Variants in NKAIN2 observed in about 807,000 individuals in gnomAD.
The protein encoded by NKAIN2 is sodium/potassium transporting ATPase interacting 2.
NKAIN2 carries 14 observed loss-of-function variants against 32.6 expected under a neutral mutation model. The observed-to-expected ratio is 0.43, with a 90% confidence interval of 0.28 to 0.67. The LOEUF (loss-of-function observed/expected upper bound fraction) is 0.67, where lower values mean the gene tolerates loss of function less well. Ranked by LOEUF, NKAIN2 falls within the 30% of genes least tolerant of loss-of-function variation. The pLI, the probability that NKAIN2 is intolerant of heterozygous loss-of-function variation, is 0.17. For synonymous variants in NKAIN2, 80 were observed against 87.2 expected (o/e 0.92, Z 0.46); for missense variants, 198 against 258.3 (o/e 0.77, Z 1.60).
At chr6:123,960,710 C>T (rs1777806144) in intron 1 of NKAIN2, among the ~76,000 whole-genome samples, 1 of 151,662 alleles carries the variant, frequency 6.6e-6, no homozygotes, top group Non-Finnish European at 1.5e-5. Context: ...CCCAGCCTTG[C>T]AAGGCAAATG....
intron 3 of NKAIN2, among the ~76,000 whole-genome samples, chr6:124,462,759 C>T (rs909562722): frequency 3.3e-5 from 5 of 151,900 alleles, no homozygotes; most frequent in East Asian, 1.9e-4. Context: ...ATTCCTACAA[C>T]GTTTTTATAT....
chr6:124,802,552 C>G (rs1262708139), intron 5 of NKAIN2, among the ~76,000 whole-genome samples: 1 of 152,172 alleles, frequency 6.6e-6, no homozygotes, highest in Non-Finnish European at 1.5e-5. Flanking sequence ...CTGAAAGCAT[C>G]AAAAGATATC....
At chr6:124,550,137 G>A (rs866708331) in intron 3 of NKAIN2, among the ~76,000 whole-genome samples, 1 of 152,126 alleles carries the variant, frequency 6.6e-6, no homozygotes, top group South Asian at 2.1e-4. Flanking sequence ...GTAAAGAAGA[G>A]ATATCATTTC....
intron 3 of NKAIN2, among the ~76,000 whole-genome samples, chr6:124,587,885 T>C (rs929211563): frequency 1.7e-4 from 26 of 152,286 alleles, no homozygotes; most frequent in African/African-American, 5.3e-4. Context: ...CAACATTTCT[T>C]TCATGAAAAA....
chr6:124,396,387 A>G (rs1773379429), intron 3 of NKAIN2, among the ~76,000 whole-genome samples: 1 of 151,438 alleles, frequency 6.6e-6, no homozygotes, highest in Non-Finnish European at 1.5e-5. Flanking sequence ...TGGGTACCAA[A>G]AAAACACAAA....
intron 3 of NKAIN2, among the ~76,000 whole-genome samples, chr6:124,443,588 A>G (rs953834899): frequency 2.6e-5 from 4 of 151,998 alleles, no homozygotes; most frequent in African/African-American, 9.7e-5. Flanking sequence ...CCTGCAAATT[A>G]TAGGGGGTAG....
chr6:124,662,226 A>G (rs569420275), intron 4 of NKAIN2, among the ~76,000 whole-genome samples: 1 of 152,320 alleles, frequency 6.6e-6, no homozygotes, highest in African/African-American at 2.4e-5. Flanking sequence ...TATTATGCAC[A>G]TATTATACTT....
At chr6:124,693,879 C>T (rs115822672) in intron 4 of NKAIN2, among the ~76,000 whole-genome samples, 388 of 152,170 alleles carry the variant, frequency 2.5e-3, no homozygotes, top group African/African-American at 8.3e-3. Flanking sequence ...TGAATCCAAG[C>T]GGGAACAGTA....
At chr6:124,366,997 A>G (rs1161039462) in intron 3 of NKAIN2, among the ~76,000 whole-genome samples, 1 of 151,892 alleles carries the variant, frequency 6.6e-6, no homozygotes, top group East Asian at 1.9e-4. Context: ...ATAAATAATT[A>G]TGATATTATT....
chr6:124,420,708 G>A (rs551721305), intron 3 of NKAIN2, among the ~76,000 whole-genome samples: 1 of 152,112 alleles, frequency 6.6e-6, no homozygotes, highest in African/African-American at 2.4e-5. Context: ...TGCTTTGCGG[G>A]GTCACATCAA....
chr6:124,556,405 A>G (rs1261252559), intron 3 of NKAIN2, among the ~76,000 whole-genome samples: 7 of 152,222 alleles, frequency 4.6e-5, no homozygotes, highest in Non-Finnish European at 1.0e-4. Context: ...TGATTAGGTC[A>G]TGAGGGCTTT....
chr6:124,781,480 T>G (rs970131467), intron 4 of NKAIN2, among the ~76,000 whole-genome samples: 9 of 152,086 alleles, frequency 5.9e-5, no homozygotes, highest in Admixed American at 5.9e-4. Context: ...GTTACCAGGA[T>G]GTGAGGGGTT....
rs1040347734 is a variant in NKAIN2, at chr6:124,607,679, T to C, written c.274-50507T>C. 2.6e-5 allele frequency among the ~76,000 whole-genome samples: 4 copies of C among 152,162 alleles called. No homozygotes were observed. In the East Asian group the frequency reaches 5.8e-4, roughly 22 times the overall value. On this transcript the variant is annotated intron_variant, in intron 3 of 6. Coordinates refer to ENST00000368417, the MANE Select transcript of NKAIN2 (RefSeq NM_001040214.3). ...TTATACACACACACAAACATATATA[T>C]ATGTGTGTGTTTATATATGAATATA...
intron 5 of NKAIN2, among the ~76,000 whole-genome samples, chr6:124,801,200 A>C (rs1333555603): frequency 1.3e-5 from 2 of 152,174 alleles, no homozygotes; most frequent in African/African-American, 4.8e-5. Context: ...ACTTAGTAAA[A>C]TCAATGCATA....
At chr6:124,353,293 C>T (rs1266355888) in intron 2 of NKAIN2, among the ~76,000 whole-genome samples, 1 of 152,092 alleles carries the variant, frequency 6.6e-6, no homozygotes, top group Non-Finnish European at 1.5e-5. Flanking sequence ...AGATATAAGA[C>T]ATTTCATATG....
intron 1 of NKAIN2, among the ~76,000 whole-genome samples, chr6:124,220,737 A>C (rs951817370): frequency 6.6e-6 from 1 of 151,822 alleles, no homozygotes; most frequent in Non-Finnish European, 1.5e-5. Flanking sequence ...TTAATTGTCT[A>C]TCTTTCCCAG....
chr6:124,759,639 A>G (rs1778152109), intron 4 of NKAIN2, among the ~76,000 whole-genome samples: 2 of 97,828 alleles, frequency 2.0e-5, no homozygotes, highest in African/African-American at 3.7e-5. Flanking sequence ...ACACACACAC[A>G]CACACACACA....
At chr6:124,175,412 G>A (rs1272711466) in intron 1 of NKAIN2, among the ~76,000 whole-genome samples, 1 of 152,170 alleles carries the variant, frequency 6.6e-6, no homozygotes, top group Non-Finnish European at 1.5e-5. Context: ...AGATTTGCCT[G>A]CTTCACTTGG....
At position 124,270,571 on chromosome 6, in the gene NKAIN2, C is replaced by T. The variant is rs866669258; in HGVS notation, c.55-12434C>T. Among the ~76,000 whole-genome samples, 10 of 152,234 alleles carry T rather than the reference C, an allele frequency of 6.6e-5. No individual in the cohort carries two copies. The Middle Eastern group carries it at 0.01, about 155-fold the overall frequency. On this transcript the variant is annotated intron_variant, in intron 1 of 6. Transcript: ENST00000368417. ...TATGAGAAAGCAATACCATATGATA[C>T]ATGAACATAAGAACATTGCAAGCTA...
Sources: allele counts gnomAD v4.1 joint callset (sites outside exome capture counted in the v4.1 genomes callset), GRCh38; gene constraint gnomAD v4.1.1; transcripts MANE v1.5; gene names NCBI Gene and HGNC (gene_info 2026-07-23, HGNC 2026-07-21).